MB21D2: variants seen among roughly 807,000 people sequenced by gnomAD.
MB21D2 encodes the protein nucleotidyltransferase MB21D2.
In MB21D2, 9 loss-of-function variants were observed where a neutral mutation model predicts 33.3. The observed-to-expected ratio is 0.27, with a 90% CI of 0.16 to 0.47. MB21D2 has a LOEUF of 0.47. Ranked by LOEUF, MB21D2 falls within the 20% of genes least tolerant of loss-of-function variation. MB21D2 has a pLI of 0.99. For synonymous variants in MB21D2, 241 were observed against 236.3 expected (o/e 1.02, Z -0.18); for missense variants, 540 against 624.6 (o/e 0.86, Z 1.44).
chr3:192,854,380 A>G (rs527636882), intron 1 of MB21D2, among the ~76,000 whole-genome samples: 1 of 152,340 alleles, frequency 6.6e-6, no homozygotes, highest in Non-Finnish European at 1.5e-5. Flanking sequence ...ACTCTCTTCA[A>G]TTCTCTGAGA....
intron 1 of MB21D2, among the ~76,000 whole-genome samples, chr3:192,858,460 T>C (rs905604218): frequency 3.9e-5 from 6 of 152,220 alleles, no homozygotes; most frequent in African/African-American, 1.4e-4. Context: ...TAAAGATGTC[T>C]GAAGACCAAT....
rs548806660 is a variant in MB21D2, at chr3:192,827,877, AT to A, written c.212-28228del. On this transcript the variant is annotated intron_variant, in intron 1 of 1. Coordinates refer to ENST00000392452, the MANE Select transcript of MB21D2 (RefSeq NM_178496.4). ...TGTCCCCACCCAAATCTCATCTTGA[AT>A]TTTAGCTCCCATCATTACCACCTGT... Among the ~76,000 whole-genome samples the A allele has an allele frequency of 7.4e-4, 112 of 152,158 alleles. 1 individual carries two copies. The highest frequency in any genetic ancestry group is 2.6e-3 in the African/African-American group (109 of 41,484).
chr3:192,798,051 A>C lies in MB21D2; in HGVS notation c.*335T>G. On this transcript the variant is annotated 3_prime_UTR_variant, in exon 2 of 2. Transcript: ENST00000392452. This position sits in a 1 kb window ranked among gnomAD's most constrained non-coding sequence, Gnocchi z 4.8. ...GAGATTTGTTTCCCCATACCCATGA[A>C]CAAATTTGCACCAAGTATGAAACAG... is the stretch of plus-strand genomic sequence containing the variant. 1 of 212,010 alleles carries C rather than the reference A, an allele frequency of 4.7e-6. No individual in the cohort carries two copies. The highest frequency in any genetic ancestry group is 9.5e-6 in the Non-Finnish European group (1 of 105,086). The allele number at this position is 212,010 out of a possible 1,614,324, so 13.1% of individuals were successfully genotyped here.
intron 1 of MB21D2, among the ~76,000 whole-genome samples, chr3:192,887,589 G>A (rs934617277): frequency 5.9e-5 from 9 of 151,958 alleles, no homozygotes; most frequent in Non-Finnish European, 1.2e-4. Context: ...TGGGGTAGAG[G>A]TTACAGAAAA....
intron 1 of MB21D2, among the ~76,000 whole-genome samples, chr3:192,808,051 C>G (rs1711704391): frequency 6.6e-6 from 1 of 152,128 alleles, no homozygotes; most frequent in Non-Finnish European, 1.5e-5. Flanking sequence ...ACTTCACAGT[C>G]ACTCTGCTGG....
chr3:192,806,680 C>T (rs899339597), intron 1 of MB21D2, among the ~76,000 whole-genome samples: 1 of 152,108 alleles, frequency 6.6e-6, no homozygotes, highest in Non-Finnish European at 1.5e-5. Context: ...CCTCATTAAC[C>T]GTAACCTAGG....
intron 1 of MB21D2, among the ~76,000 whole-genome samples, chr3:192,866,463 T>C (rs1180472681): frequency 6.6e-6 from 1 of 152,190 alleles, no homozygotes; most frequent in Non-Finnish European, 1.5e-5. Flanking sequence ...TTTAATTAAT[T>C]TATTCACCTT....
At chr3:192,854,201 C>G (rs543170518) in intron 1 of MB21D2, among the ~76,000 whole-genome samples, 1 of 152,270 alleles carries the variant, frequency 6.6e-6, no homozygotes, top group East Asian at 1.9e-4. Flanking sequence ...CCTAACAGTT[C>G]GCCTAGCTGT....
intron 1 of MB21D2, among the ~76,000 whole-genome samples, chr3:192,885,008 T>C (rs899653923): frequency 4.6e-5 from 7 of 152,020 alleles, no homozygotes; most frequent in African/African-American, 7.3e-5. Context: ...TAATTATATA[T>C]GTTTCTGGAA....
intron 1 of MB21D2, among the ~76,000 whole-genome samples, chr3:192,885,066 G>A (rs1036340848): frequency 3.3e-5 from 5 of 152,162 alleles, no homozygotes; most frequent in Middle Eastern, 6.8e-3. Context: ...ATATGACTAA[G>A]AGGACAAAAA....
Position 192,852,847 on chromosome 3 carries a change from C to T in MB21D2, c.212-53197G>A, listed in dbSNP as rs1003821439. The stretch of plus-strand genomic sequence containing the variant: ...AACCAAGATGCCCATCATCCTCTGT[C>T]TGTAGCATTCTCACTGCATTTCCAA... On this transcript the variant is annotated intron_variant, in intron 1 of 1. Coordinates refer to ENST00000392452, the MANE Select transcript of MB21D2 (RefSeq NM_178496.4). Among the ~76,000 whole-genome samples the T allele has an allele frequency of 7.2e-5, 11 of 152,204 alleles. 1 individual carries two copies. The highest frequency in any genetic ancestry group is 2.9e-5 in the Non-Finnish European group (2 of 68,038).
intron 1 of MB21D2, among the ~76,000 whole-genome samples, chr3:192,802,469 G>A (rs76068054): frequency 0.012 from 1,842 of 152,192 alleles, 20 homozygotes; most frequent in Non-Finnish European, 0.017. Flanking sequence ...AACAAAAACC[G>A]TCTTCAGCAT....
chr3:192,805,870 C>T (rs1214826736), intron 1 of MB21D2, among the ~76,000 whole-genome samples: 1 of 152,198 alleles, frequency 6.6e-6, no homozygotes, highest in Non-Finnish European at 1.5e-5. Flanking sequence ...CACACATAAA[C>T]TGGAAGAGCA....
At chr3:192,853,086 T>C (rs1712842986) in intron 1 of MB21D2, among the ~76,000 whole-genome samples, 1 of 152,078 alleles carries the variant, frequency 6.6e-6, no homozygotes, top group Admixed American at 6.5e-5. Context: ...TTACCTGGTT[T>C]ATATTCAGTA....
chr3:192,898,005 G>A (rs1714014994), intron 1 of MB21D2, among the ~76,000 whole-genome samples: 1 of 151,862 alleles, frequency 6.6e-6, no homozygotes, highest in South Asian at 2.1e-4. Context: ...CTAATAGCTG[G>A]TTCCTGACTG....
chr3:192,827,047 A>C (rs1350851726), intron 1 of MB21D2, among the ~76,000 whole-genome samples: 1 of 151,972 alleles, frequency 6.6e-6, no homozygotes, highest in Non-Finnish European at 1.5e-5. Context: ...GGTGCCCACC[A>C]CCACGTCCGG....
chr3:192,866,356 T>TA (rs998608917), intron 1 of MB21D2, among the ~76,000 whole-genome samples: 3 of 152,144 alleles, frequency 2.0e-5, no homozygotes, highest in African/African-American at 7.2e-5. Context: ...TTGCTGGGAT[T>TA]AAAAAAACAA....
chr3:192,798,461 T>C lies in MB21D2; in HGVS notation c.1401A>G (p.Gly467=), dbSNP rs771199360. The change falls in exon 2 of 2, where the codon GGA becomes GGG. Residue 467 remains glycine (G), a synonymous_variant. Transcript: ENST00000392452. This position sits in a 1 kb window ranked among gnomAD's most constrained non-coding sequence, Gnocchi z 4.8. The part of the protein sequence containing the change: ...KLQQLVTENP[G]KSISVFINPD... ...GATTGATAAAGACAGAGATTGACTT[T>C]CCCGGGTTCTCAGTCACTAGCTGCT... 33 of 1,614,086 alleles carry C rather than the reference T, an allele frequency of 2.0e-5. No individual in the cohort carries two copies. Among genetic ancestry groups the C allele is most frequent in the Non-Finnish European group, 2.6e-5 (31 of 1,180,040 alleles).
chr3:192,905,781 C>A (rs1486694951), intron 1 of MB21D2, among the ~76,000 whole-genome samples: 1 of 151,674 alleles, frequency 6.6e-6, no homozygotes, highest in Non-Finnish European at 1.5e-5. Context: ...TGCAGTGAGC[C>A]GAGATCGCAC....
Sources: allele counts gnomAD v4.1 joint callset (sites outside exome capture counted in the v4.1 genomes callset), GRCh38; gene constraint gnomAD v4.1.1; non-coding constraint Gnocchi (gnomAD v3.1); transcripts MANE v1.5; gene names NCBI Gene and HGNC (gene_info 2026-07-23, HGNC 2026-07-21).